The following TPP1 variants were observed in gnomAD, a reference collection of about 807,000 sequenced individuals.
The protein encoded by TPP1 is tripeptidyl-peptidase 1.
Under a neutral mutation model 67.6 loss-of-function variants are expected in TPP1, and 43 were observed. The ratio of observed to expected loss-of-function variants is 0.64; its 90% CI spans 0.50 to 0.82. The LOEUF is 0.82. Among genes scored for constraint, TPP1 ranks in the 40% least tolerant of loss-of-function variants. TPP1 has a pLI of 0.00. For synonymous variants in TPP1, 272 were observed against 281.5 expected (o/e 0.97, Z 0.34); for missense variants, 671 against 710.9 (o/e 0.94, Z 0.64).
chr11:6,613,680 T>A lies in TPP1; in HGVS notation c.*866A>T, dbSNP rs984254256. The A allele has an allele frequency of 2.0e-5, 3 of 152,642 alleles. No homozygotes were observed. The allele number at this position is 152,642 out of a possible 1,614,324, so 9.5% of individuals were successfully genotyped here. On this transcript the variant is annotated 3_prime_UTR_variant, in exon 13 of 13. Transcript: ENST00000299427. ...ATAAAGATATATTTAAGATGTGCAG[T>A]CAGTAGGACTTGTTGATTGAGGACT...
In TPP1 at chr11:6,618,772, G is replaced by C; in HGVS notation, c.229+4C>G. The C allele has an allele frequency of 6.2e-7, 1 of 1,613,610 alleles. No individual in the cohort carries two copies. Among genetic ancestry groups the C allele is most frequent in the Non-Finnish European group, 8.5e-7 (1 of 1,180,036 alleles). ...CACATCCTGTCCTCAGTCCCAAAAG[G>C]CACCGTATTGAGGAGAGCTGGGATC... On this transcript the variant is annotated splice_donor_region_variant and intron_variant, in intron 3 of 12. Coordinates refer to ENST00000299427, the MANE Select transcript of TPP1 (RefSeq NM_000391.4).
At position 6,617,368 on chromosome 11, in the gene TPP1, T is replaced by C. The variant is rs2555170; in HGVS notation, c.441A>G (p.Glu147=). ...GATGTGGGGACCTTACAACATGGGT[T>C]TCCGTAGGTCCTCCCACATAGTGAT... ...EFHHYVGGPT[E]THVVRSPHPY... Residue 147 remains glutamate, a synonymous_variant, in exon 5 of 13, where the codon GAA becomes GAG. Coordinates refer to ENST00000299427, the MANE Select transcript of TPP1 (RefSeq NM_000391.4). 12,337 of 1,614,040 alleles carry C rather than the reference T, an allele frequency of 7.6e-3. 769 individuals carry two copies. The African/African-American group carries it at 0.14, about 18-fold the overall frequency.
intron 3 of TPP1, 128 bp downstream of exon 3, chr11:6,618,648 C>G (rs1855620901): frequency 7.4e-7 from 1 of 1,346,500 alleles, no homozygotes. Context: ...ACCACATCCC[C>G]TTTTAGGTTT....
intron 12 of TPP1, 33 bp downstream of exon 12, chr11:6,614,833 G>C (rs1470726024): frequency 1.2e-6 from 2 of 1,613,980 alleles, no homozygotes; most frequent in East Asian, 4.5e-5. Context: ...ATAGTTGTTT[G>C]AAAACGTCCA....
rs1267077821 is a variant in TPP1 at position 6,616,441 on chromosome 11, G to A, written c.949C>T (p.Leu317=). ...WLMLLSNESA[L]PHVHTVSYGD... ...TAGCTCACAGTATGCACATGTGGCA[G>A]GGCTGACTCATTACTGAGCAGCATG... is the stretch of plus-strand genomic sequence containing the variant. Residue 317 remains leucine (L), a synonymous_variant, in exon 8 of 13, where the codon CTG becomes TTG. Coordinates refer to ENST00000299427, the MANE Select transcript of TPP1 (RefSeq NM_000391.4). The A allele has an allele frequency of 4.3e-6, 7 of 1,613,436 alleles. No individual in the cohort carries two copies. In the East Asian group the frequency reaches 8.9e-5, roughly 21 times the overall value.
Position 6,616,067 on chromosome 11 carries a change from A to G in TPP1, c.1083T>C (p.Ser361=), listed in dbSNP as rs1855576288. Residue 361 remains serine, a synonymous_variant, in exon 9 of 13, where the codon AGT becomes AGC. Coordinates refer to ENST00000299427, the MANE Select transcript of TPP1 (RefSeq NM_000391.4). Reference sequence around the variant, plus strand: ...CAGAGACAGACCAACACCCGGCCCCACTGTCACCTGAGAGAGACCAAGTGT... The same window carrying G: ...CAGAGACAGACCAACACCCGGCCCCGCTGTCACCTGAGAGAGACCAAGTGT... The part of the protein sequence containing the change: ...GLTLLFASGD[S]GAGCWSVSGR... 6.2e-7 allele frequency: 1 copy of G among 1,614,172 alleles called. No individual in the cohort carries two copies. Among genetic ancestry groups the G allele is most frequent in the South Asian group, 1.1e-5 (1 of 91,084 alleles).
At chr11:6,618,520 A>T in intron 3 of TPP1, 1 of 603,882 alleles carries the variant, frequency 1.7e-6, no homozygotes, top group Non-Finnish European at 2.9e-6. Flanking sequence ...ACAAAAGAGG[A>T]AATTAGAATG....
Position 6,616,806 on chromosome 11 carries a change from G to C in TPP1, c.741C>G (p.Phe247Leu), listed in dbSNP as rs372817942. The C allele has an allele frequency of 1.9e-6, 3 of 1,613,692 alleles. No individual in the cohort carries two copies. In the South Asian group the frequency reaches 3.3e-5, roughly 18 times the overall value. The change falls in exon 7 of 13, where the codon TTC becomes TTG. Residue 247 changes from phenylalanine (F) to leucine (L), a missense_variant. Transcript: ENST00000299427. ...ATGCCTGATGTGCAAAGTTGCCACC[G>C]AAGAGGCGCATGAACTGAGCCAGGT... ...DSDLAQFMRLFGGNFAHQASV... is the reference protein window; with the variant it reads ...DSDLAQFMRLLGGNFAHQASV...
At position 6,615,533 on chromosome 11, in the gene TPP1, G is replaced by C; in HGVS notation, c.1175C>G (p.Ser392Cys). 6.2e-7 allele frequency: 1 copy of C among 1,614,218 alleles called. No homozygotes were observed. Among genetic ancestry groups the C allele is most frequent in the Non-Finnish European group, 8.5e-7 (1 of 1,180,048 alleles). The stretch of plus-strand genomic sequence containing the variant: ...TGTGATGAGGAAAGGTTCCTGGAAG[G>C]ATGTGCCTCCCACTGTGGTGACATA... ...SPYVTTVGGT[S>C]FQEPFLITNE... is the part of the protein sequence containing the mutation. Residue 392 changes from serine (S) to cysteine (C), a missense_variant, in exon 10 of 13, where the codon TCC (serine) becomes TGC (cysteine). Transcript: ENST00000299427.
Position 6,617,008 on chromosome 11 carries a change from A to G in TPP1, c.654T>C (p.Ser218=). 1.9e-6 allele frequency: 3 copies of G among 1,614,146 alleles called. No homozygotes were observed. Among genetic ancestry groups the G allele is most frequent in the Non-Finnish European group, 1.7e-6 (2 of 1,180,000 alleles). Residue 218 remains serine, a synonymous_variant, in exon 6 of 13, where the codon TCT becomes TCC. Coordinates refer to ENST00000299427, the MANE Select transcript of TPP1 (RefSeq NM_000391.4). ...AGGCTTGGCTGTTATTGCTGGTGCC[A>G]GAGCCCACGTCTTGTGAGGTCAAGT... ...RYNLTSQDVG[S]GTSNNSQACA...
At chr11:6,618,314 G>A (rs1334192174) in intron 3 of TPP1, 1 of 343,536 alleles carries the variant, frequency 2.9e-6, no homozygotes, top group East Asian at 7.5e-5. Flanking sequence ...TTGACTGTTG[G>A]AGAGACTGTT....
At position 6,617,789 on chromosome 11, in the gene TPP1, A is replaced by G; in HGVS notation, c.230-13T>C. On this transcript the variant is annotated splice_polypyrimidine_tract_variant and intron_variant, in intron 3 of 12. Coordinates refer to ENST00000299427, the MANE Select transcript of TPP1 (RefSeq NM_000391.4). ...GTCAGGTATTTTCCTGCAGGGATTC[A>G]GAAGAGGCACTTGCCCTCATTCATT... 2 of 1,614,156 alleles carry G rather than the reference A, an allele frequency of 1.2e-6. No homozygotes were observed. The highest frequency in any genetic ancestry group is 1.7e-6 in the Non-Finnish European group (2 of 1,180,028).
rs746085696 is a variant in TPP1, at chr11:6,619,191, C to T, written c.89+5G>A. On this transcript the variant is annotated splice_donor_5th_base_variant and intron_variant, in intron 2 of 12. Transcript: ENST00000299427. ...AAGGGGGCAGTCTGTGCTAAGTCAA[C>T]TCACGTCCTCCGCTGGTCGGGCTCC... 4 of 1,614,120 alleles carry T rather than the reference C, an allele frequency of 2.5e-6. No individual in the cohort carries two copies. The highest frequency in any genetic ancestry group is 1.7e-5 in the Admixed American group (1 of 60,022).
At position 6,617,171 on chromosome 11, in the gene TPP1, G is replaced by C; in HGVS notation, c.509-18C>G. ...TCCCCCCACTGTAGGGAGAAGTCAG[G>C]CTTGAGGAGATCTTATAGACTGTAA... On this transcript the variant is annotated intron_variant, in intron 5 of 12. Transcript: ENST00000299427. The C allele has an allele frequency of 6.2e-7, 1 of 1,614,034 alleles. No homozygotes were observed. Among genetic ancestry groups the C allele is most frequent in the Non-Finnish European group, 8.5e-7 (1 of 1,179,980 alleles).
Position 6,617,320 on chromosome 11 carries a change from C to A in TPP1, c.489G>T (p.Leu163Phe). 6.2e-7 allele frequency: 1 copy of A among 1,614,132 alleles called. No homozygotes were observed. The highest frequency in any genetic ancestry group is 8.5e-7 in the Non-Finnish European group (1 of 1,180,016). Residue 163 changes from leucine (L) to phenylalanine (F), a missense_variant, in exon 5 of 13, where the codon TTG (leucine) becomes TTT (phenylalanine). By Grantham distance (22) the Leu-to-Phe change is conservative. Coordinates refer to ENST00000299427, the MANE Select transcript of TPP1 (RefSeq NM_000391.4). ...SPHPYQLPQA[L>F]APHVDFVGGL... ...TGTTACCAAAGTCCACATGGGGGGC[C>A]AAGGCCTGTGGAAGCTGGTAGGGAT...
rs766934252 is a variant in TPP1, at chr11:6,615,522, G to C, written c.1186C>G (p.Pro396Ala). Reference sequence around the variant, plus strand: ...ACAATTTCATTTGTGATGAGGAAAGGTTCCTGGAAGGATGTGCCTCCCACT... The same window carrying C: ...ACAATTTCATTTGTGATGAGGAAAGCTTCCTGGAAGGATGTGCCTCCCACT... ...TTVGGTSFQEPFLITNEIVDY... is the reference protein window; with the variant it reads ...TTVGGTSFQEAFLITNEIVDY... Residue 396 changes from proline (P) to alanine (A), a missense_variant, in exon 10 of 13, where the codon CCT (proline) becomes GCT (alanine). Transcript: ENST00000299427. The C allele has an allele frequency of 2.5e-6, 4 of 1,614,204 alleles. No individual in the cohort carries two copies. Among genetic ancestry groups the C allele is most frequent in the African/African-American group, 1.3e-5 (1 of 75,040 alleles).
chr11:6,615,555 C>T lies in TPP1; in HGVS notation c.1153G>A (p.Val385Ile). 6.2e-7 allele frequency: 1 copy of T among 1,614,072 alleles called. No individual in the cohort carries two copies. The highest frequency in any genetic ancestry group is 8.5e-7 in the Non-Finnish European group (1 of 1,180,014). Residue 385 changes from valine (V) to isoleucine (I), a missense_variant, in exon 10 of 13, where the codon GTC (valine) becomes ATC (isoleucine). By Grantham distance (29) the Val-to-Ile change is conservative. Transcript: ENST00000299427. Reference sequence around the variant, plus strand: ...AAGGATGTGCCTCCCACTGTGGTGACATAGGGGCTGAGGGGAGAAGACAGC... The same window carrying T: ...AAGGATGTGCCTCCCACTGTGGTGATATAGGGGCTGAGGGGAGAAGACAGC... Reference protein sequence around the residue: ...RPTFPASSPYVTTVGGTSFQE... With the variant: ...RPTFPASSPYITTVGGTSFQE...
chr11:6,617,850 G>T, intron 3 of TPP1, 74 bp from the exon 4 acceptor site: 1 of 1,603,386 alleles, frequency 6.2e-7, no homozygotes, highest in African/African-American at 1.3e-5. Context: ...CCTCAACTAT[G>T]AGACATCAGG....
intron 2 of TPP1, 109 bp from the exon 3 acceptor site, chr11:6,619,024 G>A (rs2134598363): frequency 1.3e-6 from 2 of 1,532,896 alleles, no homozygotes; most frequent in South Asian, 1.1e-5. Context: ...GATCCTAGGA[G>A]CAGATACAGA....
Sources: allele counts gnomAD v4.1 joint callset, GRCh38; gene constraint gnomAD v4.1.1; transcripts MANE v1.5; gene names NCBI Gene and HGNC (gene_info 2026-07-23, HGNC 2026-07-21).